The following CNGB3 variants were observed in gnomAD, a reference collection of about 807,000 sequenced individuals.
The protein encoded by CNGB3 is cyclic nucleotide-gated channel beta-3.
A neutral mutation model predicts 92.8 loss-of-function variants in CNGB3; 86 were observed. The ratio of observed to expected loss-of-function variants is 0.93; its 90% CI spans 0.78 to 1.11. The LOEUF is 1.11. Among genes scored for constraint, CNGB3 ranks in the 50% least tolerant of loss-of-function variants. The pLI is 0.00. For synonymous variants in CNGB3, 333 were observed against 332.7 expected (o/e 1.00, Z -0.01); for missense variants, 1,026 against 956.8 (o/e 1.07, Z -0.95).
At chr8:86,659,325 A>C in intron 6 of CNGB3, 1 of 1,165,138 alleles carries the variant, frequency 8.6e-7, no homozygotes, top group Non-Finnish European at 1.3e-6. Context: ...CTGCTCCTCC[A>C]TGGCCTGCTG....
chr8:86,611,446 T>C, intron 14 of CNGB3, 142 bp downstream of exon 14: 1 of 693,882 alleles, frequency 1.4e-6, no homozygotes, highest in Non-Finnish European at 2.7e-6. Context: ...ACGTTATTGC[T>C]GTACAGAGCT....
Position 86,743,537 on chromosome 8 carries a change from A to G in CNGB3, c.91T>C (p.Ser31Pro). The G allele has an allele frequency of 6.2e-7, 1 of 1,613,980 alleles. No homozygotes were observed. Among genetic ancestry groups the G allele is most frequent in the Non-Finnish European group, 8.5e-7 (1 of 1,179,896 alleles). ...EQSSRRNEEG[S>P]HPSNQSQQTT... ...TGCTGAGACTGATTACTTGGGTGAG[A>G]GCCTTCTTCATTCCGACGAGAACTT... The change falls in exon 1 of 18, where the codon TCT (serine) becomes CCT (proline). Residue 31 changes from serine (S) to proline (P), a missense_variant. Transcript: ENST00000320005.
intron 2 of CNGB3, among the ~76,000 whole-genome samples, chr8:86,731,503 TG>T (rs1825154936): frequency 6.6e-6 from 1 of 152,238 alleles, no homozygotes; most frequent in Non-Finnish European, 1.5e-5. Flanking sequence ...GTTTTGTTAC[TG>T]TGTCAGGATG....
chr8:86,660,393 G>A (rs915710341), intron 6 of CNGB3: 2 of 450,040 alleles, frequency 4.4e-6, no homozygotes, highest in African/African-American at 4.0e-5. Context: ...AACTGATCCA[G>A]AGGAGAGTTA....
At chr8:86,583,109 C>T (rs1430105217) in intron 15 of CNGB3, among the ~76,000 whole-genome samples, 1 of 151,942 alleles carries the variant, frequency 6.6e-6, no homozygotes, top group African/African-American at 2.4e-5. Flanking sequence ...CCATGTTGGA[C>T]AGGCTGGTCT....
At chr8:86,676,324 A>C (rs1311909790) in intron 3 of CNGB3, among the ~76,000 whole-genome samples, 1 of 152,164 alleles carries the variant, frequency 6.6e-6, no homozygotes, top group Non-Finnish European at 1.5e-5. Flanking sequence ...GATGGACAGC[A>C]CTTTGATAAT....
intron 15 of CNGB3, chr8:86,594,734 G>C (rs150243823): frequency 0.014 from 1,906 of 132,516 alleles, 26 homozygotes; most frequent in East Asian, 0.079. Context: ...TTTTGAGAAG[G>C]AGTCTCGCTC....
chr8:86,710,762 A>C (rs7002965), intron 3 of CNGB3, among the ~76,000 whole-genome samples: 98,147 of 152,014 alleles, frequency 0.65, 32,960 homozygotes, highest in African/African-American at 0.83. Context: ...ACCCTAAAAG[A>C]AACACTTATG....
chr8:86,598,741 T>C (rs1208711202), intron 15 of CNGB3, among the ~76,000 whole-genome samples: 1 of 152,316 alleles, frequency 6.6e-6, no homozygotes, highest in African/African-American at 2.4e-5. Flanking sequence ...CTTATGTCTT[T>C]TATAAAGACA....
At chr8:86,657,894 G>T (rs974086977) in intron 6 of CNGB3, 3 of 544,462 alleles carry the variant, frequency 5.5e-6, no homozygotes, top group South Asian at 1.4e-5. Context: ...GGGTTCAGAC[G>T]CTGGGACCCC....
intron 3 of CNGB3, among the ~76,000 whole-genome samples, chr8:86,721,689 C>T (rs1824972906): frequency 6.6e-6 from 1 of 152,022 alleles, no homozygotes; most frequent in African/African-American, 2.4e-5. Context: ...TATTATGCAT[C>T]CCACAAAATT....
At chr8:86,611,566 T>C in intron 14 of CNGB3, 22 bp downstream of exon 14, 2 of 1,584,040 alleles carry the variant, frequency 1.3e-6, no homozygotes, top group Non-Finnish European at 1.7e-6. Context: ...AGTTGTGCAT[T>C]TGAAAAATAG....
intron 3 of CNGB3, among the ~76,000 whole-genome samples, chr8:86,716,641 G>A (rs1161381934): frequency 6.6e-6 from 1 of 152,076 alleles, no homozygotes; most frequent in African/African-American, 2.4e-5. Context: ...AAGAAGGAAA[G>A]AGACAGTCTT....
intron 6 of CNGB3, chr8:86,661,697 T>G: frequency 1.6e-6 from 2 of 1,227,620 alleles, no homozygotes; most frequent in Non-Finnish European, 2.4e-6. Context: ...TGAAGTCACT[T>G]CTATTTTCCC....
At chr8:86,688,227 G>C (rs758117367) in intron 3 of CNGB3, among the ~76,000 whole-genome samples, 1 of 151,934 alleles carries the variant, frequency 6.6e-6, no homozygotes, top group African/African-American at 2.4e-5. Flanking sequence ...TTGTGAACCT[G>C]AGCTAAGATG....
At chr8:86,693,409 G>A (rs1318422889) in intron 3 of CNGB3, among the ~76,000 whole-genome samples, 1 of 104,422 alleles carries the variant, frequency 9.6e-6, no homozygotes, top group African/African-American at 5.5e-5. Flanking sequence ...TGGAAACTTT[G>A]TTCATTTTTT....
rs1362913405 is a variant in CNGB3 at position 86,640,164 on chromosome 8, T to C, written c.1178+3587A>G. Among the ~76,000 whole-genome samples the C allele has an allele frequency of 2.0e-5, 3 of 152,110 alleles. No individual in the cohort carries two copies. The East Asian group carries it at 5.8e-4, about 29-fold the overall frequency. On this transcript the variant is annotated intron_variant, in intron 10 of 17. Transcript: ENST00000320005. ...TGTTTGGTGTCTCACACTTTGATGATATATTGGCCAATTTCTCCTCCTTCT... is the reference window on the plus strand; with the variant it reads ...TGTTTGGTGTCTCACACTTTGATGACATATTGGCCAATTTCTCCTCCTTCT...
intron 6 of CNGB3, chr8:86,657,516 G>C (rs1823535042): frequency 2.0e-6 from 1 of 498,760 alleles, no homozygotes; most frequent in Non-Finnish European, 4.1e-6. Flanking sequence ...TGTGCAGTGG[G>C]ATTGTCATGG....
At chr8:86,713,821 G>A (rs112803877) in intron 3 of CNGB3, among the ~76,000 whole-genome samples, 5 of 152,114 alleles carry the variant, frequency 3.3e-5, no homozygotes, top group African/African-American at 1.2e-4. Flanking sequence ...CCCCTCTTTA[G>A]AAGAGACATT....
Sources: allele counts gnomAD v4.1 joint callset (sites outside exome capture counted in the v4.1 genomes callset), GRCh38; gene constraint gnomAD v4.1.1; transcripts MANE v1.5; gene names NCBI Gene and HGNC (gene_info 2026-07-23, HGNC 2026-07-21).